ASCC3: variants seen among roughly 807,000 people sequenced by gnomAD.
ASCC3 encodes the protein activating signal cointegrator 1 complex subunit 3, also known as ASC-1 complex subunit P200.
ASCC3 carries 158 observed loss-of-function variants against 256.3 expected under a neutral mutation model. The ratio of observed to expected loss-of-function variants is 0.62; its 90% confidence interval spans 0.54 to 0.70. The LOEUF (loss-of-function observed/expected upper bound fraction) is 0.70, where lower values mean the gene tolerates loss of function less well. Among genes scored for constraint, ASCC3 ranks in the 30% least tolerant of loss-of-function variants. ASCC3 has a pLI of 0.00. For synonymous variants in ASCC3, 948 were observed against 883.4 expected (o/e 1.07, Z -1.30); for missense variants, 2,259 against 2,626.0 (o/e 0.86, Z 3.05).
chr6:100,798,863 CAAT>C (rs1267555126), intron 7 of ASCC3, 25 bp from the exon 8 acceptor site: 13 of 1,579,810 alleles, frequency 8.2e-6, no homozygotes, highest in Admixed American at 3.4e-5. Flanking sequence ...AATAAAAATC[CAAT>C]AATAATAAAA....
chr6:100,698,066 T>C (rs1778172381), intron 13 of ASCC3, among the ~76,000 whole-genome samples: 1 of 152,130 alleles, frequency 6.6e-6, no homozygotes. Flanking sequence ...CTTAAATATA[T>C]GTACATTTGT....
chr6:100,834,673 TAAGAGCACATTAC>T (rs1771789850), intron 4 of ASCC3, among the ~76,000 whole-genome samples: 1 of 152,112 alleles, frequency 6.6e-6, no homozygotes, highest in Non-Finnish European at 1.5e-5. Context: ...TTTTTTAAAA[TAAGAGCACATTAC>T]AAACAACTTT....
intron 36 of ASCC3, among the ~76,000 whole-genome samples, chr6:100,556,078 G>C (rs1769558290): frequency 1.3e-5 from 2 of 152,128 alleles, no homozygotes; most frequent in South Asian, 4.1e-4. Context: ...TATTAGAAGT[G>C]ACTTTCTTTG....
intron 4 of ASCC3, among the ~76,000 whole-genome samples, chr6:100,822,536 CA>C (rs34408420): frequency 0.19 from 21,161 of 112,972 alleles, 3,106 homozygotes; most frequent in African/African-American, 0.47. Flanking sequence ...ACTCCGTCTC[CA>C]AAAAAAAAAA....
intron 36 of ASCC3, among the ~76,000 whole-genome samples, chr6:100,569,109 T>C (rs180966897): frequency 3.3e-5 from 5 of 152,256 alleles, no homozygotes; most frequent in African/African-American, 1.2e-4. Flanking sequence ...TCTTACAGTT[T>C]GAAGTCTTAA....
intron 25 of ASCC3, among the ~76,000 whole-genome samples, chr6:100,637,630 C>T (rs1200475661): frequency 2.0e-5 from 3 of 152,044 alleles, no homozygotes; most frequent in South Asian, 2.1e-4. Flanking sequence ...ATTCTAGATG[C>T]CATTAAGAAC....
intron 26 of ASCC3, among the ~76,000 whole-genome samples, chr6:100,629,521 T>C (rs561644313): frequency 6.6e-6 from 1 of 152,264 alleles, no homozygotes; most frequent in East Asian, 1.9e-4. Context: ...CTTGTCCCTA[T>C]GTTGGAATAA....
intron 25 of ASCC3, among the ~76,000 whole-genome samples, chr6:100,635,545 G>T (rs1290845310): frequency 6.6e-6 from 1 of 152,022 alleles, no homozygotes; most frequent in African/African-American, 2.4e-5. Flanking sequence ...TAATAGCACT[G>T]CATTATATAC....
At chr6:100,581,958 C>T (rs1365728768) in intron 36 of ASCC3, among the ~76,000 whole-genome samples, 1 of 152,014 alleles carries the variant, frequency 6.6e-6, no homozygotes, top group African/African-American at 2.4e-5. Context: ...TGTTTTGGTA[C>T]CAGTACCATG....
intron 13 of ASCC3, among the ~76,000 whole-genome samples, chr6:100,681,138 T>C (rs545170204): frequency 6.6e-6 from 1 of 152,272 alleles, no homozygotes; most frequent in African/African-American, 2.4e-5. Context: ...AAATTCACAG[T>C]AAAATCTCAG....
chr6:100,652,507 T>A (rs1775721758), intron 18 of ASCC3, among the ~76,000 whole-genome samples: 1 of 152,150 alleles, frequency 6.6e-6, no homozygotes, highest in African/African-American at 2.4e-5. Flanking sequence ...GGTGTGTTTA[T>A]TGCTTGGGAT....
At chr6:100,690,673 T>A (rs1777799969) in intron 13 of ASCC3, among the ~76,000 whole-genome samples, 1 of 152,152 alleles carries the variant, frequency 6.6e-6, no homozygotes, top group Admixed American at 6.6e-5. Context: ...ATAGGGTTAA[T>A]TTATGCTGCC....
intron 10 of ASCC3, among the ~76,000 whole-genome samples, chr6:100,741,316 T>C (rs534608900): frequency 1.3e-3 from 200 of 152,268 alleles, no homozygotes; most frequent in Middle Eastern, 0.01. Flanking sequence ...CCTTAACATT[T>C]TTTCTTTCAT....
At chr6:100,517,509 T>C (rs1774092894) in intron 38 of ASCC3, among the ~76,000 whole-genome samples, 1 of 152,166 alleles carries the variant, frequency 6.6e-6, no homozygotes, top group Non-Finnish European at 1.5e-5. Flanking sequence ...GGTGCTAACA[T>C]AAACTCTTAC....
chr6:100,622,362 T>A (rs1206599502), intron 30 of ASCC3, among the ~76,000 whole-genome samples: 2 of 152,162 alleles, frequency 1.3e-5, no homozygotes, highest in Non-Finnish European at 2.9e-5. Flanking sequence ...GATCGTTTTA[T>A]ACCGGGCTCT....
chr6:100,774,556 A>G (rs1782097064), intron 8 of ASCC3, among the ~76,000 whole-genome samples: 1 of 132,792 alleles, frequency 7.5e-6, no homozygotes, highest in Admixed American at 7.7e-5. Flanking sequence ...TAGTAGAGAC[A>G]GGGTTTCAGC....
chr6:100,626,166 T>G (rs991863327), intron 29 of ASCC3, among the ~76,000 whole-genome samples: 10 of 151,644 alleles, frequency 6.6e-5, no homozygotes, highest in Non-Finnish European at 1.5e-4. Flanking sequence ...TTTGTTTGTT[T>G]TTTGCTTTAC....
chr6:100,739,819 CTCTTT>C (rs890501046), intron 10 of ASCC3, among the ~76,000 whole-genome samples: 10 of 151,768 alleles, frequency 6.6e-5, no homozygotes, highest in African/African-American at 2.4e-4. Context: ...TGATTCTTTT[CTCTTT>C]TCTTCTTTAT....
At chr6:100,700,692 C>G (rs1377043787) in intron 13 of ASCC3, among the ~76,000 whole-genome samples, 1 of 152,206 alleles carries the variant, frequency 6.6e-6, no homozygotes, top group African/African-American at 2.4e-5. Context: ...CAAAGGAGAT[C>G]ATTTTGGAGG....
Sources: allele counts gnomAD v4.1 joint callset (sites outside exome capture counted in the v4.1 genomes callset), GRCh38; gene constraint gnomAD v4.1.1; transcripts MANE v1.5; gene names NCBI Gene and HGNC (gene_info 2026-07-23, HGNC 2026-07-21).